Variants in WWC2 observed in about 807,000 individuals in gnomAD.
The protein encoded by WWC2 is protein WWC2.
Under a neutral mutation model 138.5 loss-of-function variants are expected in WWC2, and 101 were observed. The observed-to-expected ratio is 0.73, with a 90% CI of 0.62 to 0.86. The LOEUF is 0.86. Among genes scored for constraint, WWC2 ranks in the 40% least tolerant of loss-of-function variants. The pLI, the probability that WWC2 is intolerant of heterozygous loss-of-function variation, is 0.00. For synonymous variants in WWC2, 558 were observed against 538.4 expected (o/e 1.04, Z -0.50); for missense variants, 1,420 against 1,419.4 (o/e 1.00, Z -0.01).
intron 1 of WWC2, among the ~76,000 whole-genome samples, chr4:183,137,293 T>TAA (rs1486388314): frequency 6.6e-6 from 1 of 152,240 alleles, no homozygotes; most frequent in African/African-American, 2.4e-5. Context: ...AATAACAGCC[T>TAA]AAAACACACA....
intron 1 of WWC2, among the ~76,000 whole-genome samples, chr4:183,129,143 G>C (rs1018633465): frequency 6.6e-6 from 1 of 152,222 alleles, no homozygotes; most frequent in Non-Finnish European, 1.5e-5. Context: ...TATTGCATTT[G>C]ATTTAGGGAT....
intron 4 of WWC2, among the ~76,000 whole-genome samples, chr4:183,227,127 CACT>C (rs1157720172): frequency 6.6e-6 from 1 of 151,938 alleles, no homozygotes; most frequent in Non-Finnish European, 1.5e-5. Flanking sequence ...CCACCACCAC[CACT>C]ACTTGTTGAA....
rs1737052187 is a variant in WWC2 at position 183,253,798 on chromosome 4, A to G, written c.995A>G (p.Glu332Gly). Residue 332 changes from glutamate to glycine, a missense_variant, in exon 9 of 23, where the codon GAG becomes GGG. By Grantham distance (98) the Glu-to-Gly change is moderately conservative. Transcript: ENST00000403733. ...ATTGAACTGTCAAAATTGGACAGTG[A>G]GGCCTGGCCTGGGGCACTGGATATT... ...LKIELSKLDS[E>G]AWPGALDIEK... 5 of 1,613,536 alleles carry G rather than the reference A, an allele frequency of 3.1e-6. No individual in the cohort carries two copies. The East Asian group carries it at 1.1e-4, about 36-fold the overall frequency.
At chr4:183,234,868 G>A (rs1208943745) in intron 4 of WWC2, among the ~76,000 whole-genome samples, 1 of 152,094 alleles carries the variant, frequency 6.6e-6, no homozygotes, top group Non-Finnish European at 1.5e-5. Context: ...TTCTAGTTGG[G>A]ATCTAAGGAC....
chr4:183,303,158 C>T (rs566032318), intron 21 of WWC2, among the ~76,000 whole-genome samples: 78 of 151,872 alleles, frequency 5.1e-4, no homozygotes, highest in African/African-American at 1.8e-3. Context: ...GACGAAACCA[C>T]TCCCCCTCAT....
At chr4:183,185,147 G>A (rs571709939) in intron 1 of WWC2, among the ~76,000 whole-genome samples, 8 of 151,982 alleles carry the variant, frequency 5.3e-5, no homozygotes, top group Admixed American at 3.9e-4. Flanking sequence ...CTACTGAGTC[G>A]GAAACTTTGA....
chr4:183,143,240 C>CT (rs1437366540), intron 1 of WWC2, among the ~76,000 whole-genome samples: 1 of 152,120 alleles, frequency 6.6e-6, no homozygotes, highest in East Asian at 1.9e-4. Flanking sequence ...AAGCCAAACT[C>CT]TTTGACATTT....
chr4:183,116,382 A>T (rs566400970), intron 1 of WWC2, among the ~76,000 whole-genome samples: 2 of 152,336 alleles, frequency 1.3e-5, no homozygotes, highest in South Asian at 4.1e-4. Context: ...AGCTTTGTGC[A>T]AGCTCTTAGT....
rs1733692725 is a variant in WWC2 at position 183,153,096 on chromosome 4, A to C, written c.132-40503A>C. Among the ~76,000 whole-genome samples, 6 of 152,044 alleles carry C rather than the reference A, an allele frequency of 3.9e-5. No individual in the cohort carries two copies. In the South Asian group the frequency reaches 1.2e-3, roughly 32 times the overall value. On this transcript the variant is annotated intron_variant, in intron 1 of 22. Transcript: ENST00000403733. ...ATATATATAGTTTTTGTAGAGACAG[A>C]GTTTCTTTATGTTGCCTAAGCTGGT...
chr4:183,198,145 A>G (rs1221139847), intron 2 of WWC2, among the ~76,000 whole-genome samples: 3 of 152,158 alleles, frequency 2.0e-5, no homozygotes, highest in African/African-American at 4.8e-5. Context: ...CAAGGCTGCA[A>G]TGCGCTGTGA....
chr4:183,105,314 A>G (rs1180138517), intron 1 of WWC2, among the ~76,000 whole-genome samples: 1 of 152,238 alleles, frequency 6.6e-6, no homozygotes, highest in Non-Finnish European at 1.5e-5. Context: ...CAGGTGCACC[A>G]GGAAAAGCGT....
intron 1 of WWC2, among the ~76,000 whole-genome samples, chr4:183,156,861 A>G (rs1356547034): frequency 6.6e-6 from 1 of 152,182 alleles, no homozygotes; most frequent in Admixed American, 6.5e-5. Flanking sequence ...ATATTTTACC[A>G]TGTTGGCATT....
intron 1 of WWC2, among the ~76,000 whole-genome samples, chr4:183,137,774 C>T (rs2111087707): frequency 6.6e-6 from 1 of 152,338 alleles, no homozygotes; most frequent in Non-Finnish European, 1.5e-5. Context: ...GCTGGGTTTA[C>T]AGGTGTGAGC....
chr4:183,242,760 C>A (rs1475909634), intron 5 of WWC2, among the ~76,000 whole-genome samples: 1 of 152,092 alleles, frequency 6.6e-6, no homozygotes, highest in Admixed American at 6.5e-5. Flanking sequence ...ACACTCAAGT[C>A]AAGAACTTCC....
At position 183,280,836 on chromosome 4, in the gene WWC2, T is replaced by A. The variant is rs1278083583; in HGVS notation, c.2623T>A (p.Leu875Ile). Residue 875 changes from leucine to isoleucine, a missense_variant, in exon 17 of 23, where the codon TTA (leucine) becomes ATA (isoleucine). Coordinates refer to ENST00000403733, the MANE Select transcript of WWC2 (RefSeq NM_024949.6). ...SAELLAVEQE[L>I]AQEEEEESGQ... ...TGAGTTGTTAGCTGTGGAACAAGAA[T>A]TAGCACAAGAAGAAGAAGAAGAATC... The A allele has an allele frequency of 6.3e-7, 1 of 1,598,274 alleles. No homozygotes were observed.
At chr4:183,120,338 GCCCAAATACAA>G (rs1732559783) in intron 1 of WWC2, among the ~76,000 whole-genome samples, 1 of 152,166 alleles carries the variant, frequency 6.6e-6, no homozygotes, top group African/African-American at 2.4e-5. Context: ...ATGTATTAGT[GCCCAAATACAA>G]AGATCTCTAC....
At chr4:183,276,610 A>G (rs1481764973) in intron 16 of WWC2, among the ~76,000 whole-genome samples, 1 of 152,036 alleles carries the variant, frequency 6.6e-6, no homozygotes, top group African/African-American at 2.4e-5. Flanking sequence ...ATTGTCATAT[A>G]TTTTGAATCT....
rs953941476 is a variant in WWC2 at position 183,229,190 on chromosome 4, T to G, written c.523-10993T>G. ...TCGCTGAGTTGCTACGCTTAAAGTT[T>G]TTTTACTTTCAGTGTGTATGTTGTA... is the stretch of plus-strand genomic sequence containing the variant. On this transcript the variant is annotated intron_variant, in intron 4 of 22. Transcript: ENST00000403733. Among the ~76,000 whole-genome samples the G allele has an allele frequency of 9.9e-5, 15 of 152,082 alleles. 1 individual carries two copies. The highest frequency in any genetic ancestry group is 3.6e-4 in the African/African-American group (15 of 41,318).
intron 1 of WWC2, among the ~76,000 whole-genome samples, chr4:183,158,202 G>A (rs1399268366): frequency 2.0e-5 from 3 of 152,012 alleles, no homozygotes; most frequent in African/African-American, 4.8e-5. Context: ...ACAATGCAGC[G>A]TATGCATTCT....
Sources: allele counts gnomAD v4.1 joint callset (sites outside exome capture counted in the v4.1 genomes callset), GRCh38; gene constraint gnomAD v4.1.1; transcripts MANE v1.5; gene names NCBI Gene and HGNC (gene_info 2026-07-23, HGNC 2026-07-21).